Variants in CPN1 observed in about 807,000 individuals in gnomAD.
CPN1 encodes carboxypeptidase N subunit 1.
In CPN1, 37 loss-of-function variants were observed where a neutral mutation model predicts 46.4. The ratio of observed to expected loss-of-function variants is 0.80; its 90% CI spans 0.61 to 1.05. CPN1 has a LOEUF of 1.05. CPN1 is among the 50% of genes least tolerant of loss of function. CPN1 has a pLI of 0.00. For missense variants in CPN1, 563 were observed against 602.6 expected, an observed-to-expected ratio of 0.93 and a Z score of 0.69; for synonymous variants, 224 against 235.4, an observed-to-expected ratio of 0.95 and a Z score of 0.44.
chr10:100,068,269 A>G (rs1381995158), intron 3 of CPN1, among the ~76,000 whole-genome samples: 1 of 134,770 alleles, frequency 7.4e-6, no homozygotes, highest in East Asian at 2.4e-4. Flanking sequence ...GCTGGAGTGC[A>G]GTGGCACTAT....
At chr10:100,045,584 G>T (rs558929102) in intron 8 of CPN1, among the ~76,000 whole-genome samples, 1 of 152,328 alleles carries the variant, frequency 6.6e-6, no homozygotes, top group Admixed American at 6.5e-5. Context: ...TGTACACTTA[G>T]TATGAGTTCT....
chr10:100,060,553 C>T (rs1038607711), intron 5 of CPN1, among the ~76,000 whole-genome samples: 2 of 151,952 alleles, frequency 1.3e-5, no homozygotes, highest in Non-Finnish European at 2.9e-5. Context: ...GAAAGAGACT[C>T]CAACTCAAAA....
intron 3 of CPN1, among the ~76,000 whole-genome samples, chr10:100,067,243 A>G (rs950306019): frequency 6.6e-6 from 1 of 151,936 alleles, no homozygotes. Context: ...CAGCCTCCCA[A>G]GTAGCTGGGA....
intron 5 of CPN1, among the ~76,000 whole-genome samples, chr10:100,062,200 C>T (rs923579744): frequency 1.3e-5 from 2 of 152,174 alleles, no homozygotes. Flanking sequence ...CCTAAAAGAA[C>T]TCAGCTTCTT....
chr10:100,055,010 G>A lies in CPN1; in HGVS notation c.1012-564C>T, dbSNP rs573803632. Among the ~76,000 whole-genome samples, 50 of 151,960 alleles carry A rather than the reference G, an allele frequency of 3.3e-4. 1 individual carries two copies. The South Asian group carries it at 4.8e-3, about 15-fold the overall frequency. The stretch of plus-strand genomic sequence containing the variant: ...TCCAGCACTTTGGGAGGCCGAGGTG[G>A]GCGGATCACCTGAGGTCAGGAGTTT... On this transcript the variant is annotated intron_variant, in intron 6 of 8. Coordinates refer to ENST00000370418, the MANE Select transcript of CPN1 (RefSeq NM_001308.3).
At chr10:100,071,330 T>G (rs889768543) in intron 2 of CPN1, among the ~76,000 whole-genome samples, 30 of 152,170 alleles carry the variant, frequency 2.0e-4, no homozygotes, top group African/African-American at 7.2e-4. Context: ...TGTAATCAAG[T>G]CAACTGGATG....
intron 8 of CPN1, among the ~76,000 whole-genome samples, chr10:100,047,318 G>A (rs1232395048): frequency 6.6e-6 from 1 of 152,052 alleles, no homozygotes; most frequent in Non-Finnish European, 1.5e-5. Flanking sequence ...AGAAGGAGGA[G>A]GAGAAGAAAG....
intron 2 of CPN1, among the ~76,000 whole-genome samples, chr10:100,074,391 C>T (rs1284698472): frequency 1.3e-5 from 2 of 152,160 alleles, no homozygotes; most frequent in African/African-American, 4.8e-5. Context: ...AGAGATGGCT[C>T]TAAGATTCAG....
chr10:100,046,535 G>T (rs1190155693), intron 8 of CPN1, among the ~76,000 whole-genome samples: 1 of 152,218 alleles, frequency 6.6e-6, no homozygotes, highest in African/African-American at 2.4e-5. Flanking sequence ...CACTTTGGGA[G>T]GCCGAGGAGG....
chr10:100,042,958 G>T (rs1241664544), intron 8 of CPN1, among the ~76,000 whole-genome samples: 1 of 151,970 alleles, frequency 6.6e-6, no homozygotes, highest in African/African-American at 2.4e-5. Flanking sequence ...GCCAGGTGTG[G>T]TGGTGCACAC....
At chr10:100,063,266 G>A (rs954065936) in intron 5 of CPN1, among the ~76,000 whole-genome samples, 22 of 152,040 alleles carry the variant, frequency 1.4e-4, no homozygotes, top group Non-Finnish European at 2.1e-4. Context: ...GACTACAGGC[G>A]CCCGCCACCA....
Position 100,069,808 on chromosome 10 carries a change from C to A in CPN1, c.482G>T (p.Arg161Leu), listed in dbSNP as rs145570367. 1 of 1,613,786 alleles carries A rather than the reference C, an allele frequency of 6.2e-7. No individual in the cohort carries two copies. The highest frequency in any genetic ancestry group is 8.5e-7 in the Non-Finnish European group (1 of 1,179,976). Reference sequence around the variant, plus strand: ...ATAGGTATTGAGATCAGGGAAGTTGCGGTTCAGGTCCACTCCATTTGCATT... The same window carrying A: ...ATAGGTATTGAGATCAGGGAAGTTGAGGTTCAGGTCCACTCCATTTGCATT... The part of the protein sequence containing the change: ...RNNANGVDLN[R>L]NFPDLNTYIY... The change falls in exon 3 of 9, where the codon CGC becomes CTC. Residue 161 changes from arginine to leucine, a missense_variant. By Grantham distance (102) the Arg-to-Leu change is moderately radical. Transcript: ENST00000370418.
At chr10:100,070,727 A>G (rs1299550043) in intron 2 of CPN1, among the ~76,000 whole-genome samples, 1 of 152,192 alleles carries the variant, frequency 6.6e-6, no homozygotes, top group South Asian at 2.1e-4. Flanking sequence ...ATCTCAAGAG[A>G]AGTTCTAATA....
At chr10:100,048,333 C>T (rs987338128) in intron 8 of CPN1, among the ~76,000 whole-genome samples, 18 of 152,006 alleles carry the variant, frequency 1.2e-4, no homozygotes, top group Non-Finnish European at 1.3e-4. Context: ...TTAGGATGTG[C>T]GAGCAATTAA....
At chr10:100,060,590 A>G (rs2041410988) in intron 5 of CPN1, among the ~76,000 whole-genome samples, 1 of 152,190 alleles carries the variant, frequency 6.6e-6, no homozygotes, top group Non-Finnish European at 1.5e-5. Flanking sequence ...GATGAAAAAA[A>G]TTATCACTTA....
intron 5 of CPN1, among the ~76,000 whole-genome samples, chr10:100,059,292 T>C (rs2041403771): frequency 6.6e-6 from 1 of 151,858 alleles, no homozygotes; most frequent in Non-Finnish European, 1.5e-5. Context: ...ACAAATACAA[T>C]GTCAACAGAG....
chr10:100,057,267 C>T (rs1243897831), intron 5 of CPN1, 115 bp from the exon 6 acceptor site: 32 of 1,194,942 alleles, frequency 2.7e-5, no homozygotes, highest in Non-Finnish European at 3.5e-6. Flanking sequence ...TGGGAATTAC[C>T]TTTTAATTTT....
Position 100,065,263 on chromosome 10 carries a change from C to A in CPN1, c.684G>T (p.Lys228Asn), listed in dbSNP as rs1188218526. ...GAVVANYPYDKSFEHRVRGVR... is the reference protein window; with the variant it reads ...GAVVANYPYDNSFEHRVRGVR... ...CCCCTCGGACCCGGTGCTCAAAGGA[C>A]TTGTCATACGGGTAATTGGCCACCA... Residue 228 changes from lysine to asparagine, a missense_variant, in exon 4 of 9, where the codon AAG (lysine) becomes AAT (asparagine). Lys to Asn is a moderately conservative substitution (Grantham distance 94). Transcript: ENST00000370418. The A allele has an allele frequency of 6.2e-7, 1 of 1,614,148 alleles. No homozygotes were observed. The highest frequency in any genetic ancestry group is 1.1e-5 in the South Asian group (1 of 91,078).
intron 1 of CPN1, among the ~76,000 whole-genome samples, chr10:100,079,789 G>A (rs894755301): frequency 1.3e-5 from 2 of 152,164 alleles, no homozygotes; most frequent in Non-Finnish European, 2.9e-5. Context: ...GCAGCAGTTC[G>A]AAGTTAGAGA....
Sources: gnomAD v4.1 joint callset for allele counts (sites outside exome capture counted in the v4.1 genomes callset) on GRCh38, gnomAD v4.1.1 for gene constraint, MANE v1.5 for transcripts, NCBI Gene and HGNC (gene_info 2026-07-23, HGNC 2026-07-21) for gene names.